The following DGKG variants were observed in gnomAD, a reference collection of about 807,000 sequenced individuals.
DGKG encodes the protein diacylglycerol kinase gamma, also known as DAG kinase gamma.
DGKG carries 78 observed loss-of-function variants against 105.3 expected under a neutral mutation model. The ratio of observed to expected loss-of-function variants is 0.74; its 90% CI spans 0.62 to 0.89. The LOEUF is 0.89. DGKG is among the 40% of genes least tolerant of loss of function. DGKG has a pLI of 0.00. For synonymous variants in DGKG, 346 were observed against 367.1 expected (o/e 0.94, Z 0.66); for missense variants, 958 against 1,020.1 (o/e 0.94, Z 0.83).
intron 3 of DGKG, among the ~76,000 whole-genome samples, chr3:186,299,813 CT>C (rs1723803730): frequency 1.0e-5 from 1 of 98,020 alleles, no homozygotes; most frequent in Non-Finnish European, 2.1e-5. Flanking sequence ...TTCTTTCTTT[CT>C]TTCTTTCTTT....
chr3:186,274,286 C>T (rs762220208), intron 10 of DGKG, among the ~76,000 whole-genome samples: 2 of 152,198 alleles, frequency 1.3e-5, no homozygotes, highest in Non-Finnish European at 2.9e-5. Context: ...CTCCTGGGCT[C>T]GAGTGATCCT....
intron 19 of DGKG, among the ~76,000 whole-genome samples, chr3:186,248,519 T>C (rs1230211172): frequency 6.6e-6 from 1 of 152,216 alleles, no homozygotes; most frequent in Non-Finnish European, 1.5e-5. Flanking sequence ...GTCAGGACCA[T>C]CTGCATCAGA....
chr3:186,251,056 A>G (rs1442952407), intron 19 of DGKG, among the ~76,000 whole-genome samples: 1 of 152,032 alleles, frequency 6.6e-6, no homozygotes, highest in East Asian at 1.9e-4. Context: ...AGTGGGTGAA[A>G]AAGGAACAGA....
At chr3:186,316,909 G>A (rs1724845515) in intron 2 of DGKG, among the ~76,000 whole-genome samples, 1 of 152,202 alleles carries the variant, frequency 6.6e-6, no homozygotes, top group Admixed American at 6.5e-5. Context: ...AAATTGGTGG[G>A]AATGACTTTT....
chr3:186,166,235 GATCACTAATGGAC>G (rs6148226), intron 22 of DGKG, among the ~76,000 whole-genome samples: 113,495 of 151,724 alleles, frequency 0.75, 42,723 homozygotes, highest in East Asian at 0.93. Flanking sequence ...AATTACTGAC[GATCACTAATGGAC>G]ATCACTAATG....
chr3:186,152,387 C>A (rs1715803608), intron 24 of DGKG, among the ~76,000 whole-genome samples: 1 of 151,850 alleles, frequency 6.6e-6, no homozygotes, highest in Non-Finnish European at 1.5e-5. Flanking sequence ...TTATCTGTGG[C>A]ATGCAATGTA....
intron 1 of DGKG, among the ~76,000 whole-genome samples, chr3:186,343,160 C>T (rs1012698640): frequency 3.9e-5 from 6 of 152,200 alleles, no homozygotes; most frequent in Non-Finnish European, 7.3e-5. Context: ...TAGTCTATCG[C>T]TTGTGAACGA....
chr3:186,248,507 T>A (rs992994213), intron 19 of DGKG, among the ~76,000 whole-genome samples: 4 of 152,254 alleles, frequency 2.6e-5, no homozygotes, highest in African/African-American at 9.6e-5. Flanking sequence ...CCTGAGAACT[T>A]GGTCAGGACC....
chr3:186,298,321 A>C, intron 3 of DGKG, 92 bp from the exon 4 acceptor site: 1 of 1,204,818 alleles, frequency 8.3e-7, no homozygotes, highest in East Asian at 2.6e-5. Flanking sequence ...CTGGCAGGTG[A>C]AAGGAATGGA....
chr3:186,359,820 G>A (rs1727143255), intron 1 of DGKG, among the ~76,000 whole-genome samples: 2 of 152,130 alleles, frequency 1.3e-5, no homozygotes, highest in South Asian at 4.1e-4. Flanking sequence ...TGATTGATTT[G>A]TTCTTTGCAT....
At chr3:186,303,204 A>G (rs140863544) in intron 3 of DGKG, among the ~76,000 whole-genome samples, 1 of 152,202 alleles carries the variant, frequency 6.6e-6, no homozygotes, top group Non-Finnish European at 1.5e-5. Context: ...GTTCTTTAAA[A>G]GCACAGCCCA....
intron 21 of DGKG, among the ~76,000 whole-genome samples, chr3:186,207,672 C>G (rs1718812352): frequency 6.6e-6 from 1 of 151,932 alleles, no homozygotes; most frequent in Admixed American, 6.6e-5. Context: ...AACCTAAGCA[C>G]AGACCAGGGC....
At chr3:186,169,395 C>T (rs900236600) in intron 22 of DGKG, among the ~76,000 whole-genome samples, 3 of 152,066 alleles carry the variant, frequency 2.0e-5, no homozygotes, top group Admixed American at 1.3e-4. Flanking sequence ...TTTGGTATTT[C>T]TTATTTTTTA....
intron 22 of DGKG, among the ~76,000 whole-genome samples, chr3:186,167,069 C>T (rs1256612932): frequency 6.6e-6 from 1 of 151,998 alleles, no homozygotes; most frequent in Admixed American, 6.5e-5. Flanking sequence ...ACTTCCCACA[C>T]ATTACCTTGC....
At chr3:186,214,204 A>G (rs1314026180) in intron 20 of DGKG, among the ~76,000 whole-genome samples, 3 of 152,254 alleles carry the variant, frequency 2.0e-5, no homozygotes, top group Admixed American at 6.5e-5. Flanking sequence ...ATAACTGAGA[A>G]GATCAAACGG....
chr3:186,261,893 G>A, intron 14 of DGKG, 115 bp from the exon 15 acceptor site: 1 of 660,808 alleles, frequency 1.5e-6, no homozygotes, highest in Non-Finnish European at 2.6e-6. Flanking sequence ...AGGGCAGGCA[G>A]TCAGGTGTTT....
intron 20 of DGKG, among the ~76,000 whole-genome samples, chr3:186,228,761 C>T (rs1197105847): frequency 1.3e-5 from 2 of 152,200 alleles, no homozygotes; most frequent in Admixed American, 6.5e-5. Flanking sequence ...CCTGAAGTTT[C>T]ATCCTAGTCT....
At chr3:186,269,009 G>A (rs1047885541) in intron 11 of DGKG, 92 bp from the exon 12 acceptor site, 9 of 852,278 alleles carry the variant, frequency 1.1e-5, no homozygotes, top group South Asian at 4.4e-5. Flanking sequence ...GAGGGGACGC[G>A]GGGGAGCCAG....
chr3:186,287,616 T>G (rs1303888169), intron 6 of DGKG, among the ~76,000 whole-genome samples: 1 of 152,222 alleles, frequency 6.6e-6, no homozygotes, highest in Non-Finnish European at 1.5e-5. Context: ...AAACTCAAAA[T>G]CCAGCTAAAT....
Sources: allele counts gnomAD v4.1 joint callset (sites outside exome capture counted in the v4.1 genomes callset), GRCh38; gene constraint gnomAD v4.1.1; transcripts MANE v1.5; gene names NCBI Gene and HGNC (gene_info 2026-07-23, HGNC 2026-07-21).